The following ZNF224 variants were observed in gnomAD, a reference collection of about 807,000 sequenced individuals.
ZNF224 encodes the protein zinc finger protein 224, also known as bone marrow zinc finger 2.
A neutral mutation model predicts 10.5 loss-of-function variants in ZNF224; 8 were observed. The ratio of observed to expected loss-of-function variants is 0.76; its 90% confidence interval spans 0.45 to 1.37. The LOEUF is 1.37. Ranked by LOEUF, ZNF224 falls within the 40% of genes most tolerant of loss-of-function variation. The probability of loss-of-function intolerance (pLI) is 0.00; values close to 1 mark genes in which losing one functional copy is unlikely to be tolerated. For synonymous variants in ZNF224, 282 were observed against 287.8 expected, an observed-to-expected ratio of 0.98 and a Z score of 0.20; for missense variants, 754 against 854.0, an observed-to-expected ratio of 0.88 and a Z score of 1.46.
Position 44,107,147 on chromosome 19 carries a change from A to T in ZNF224, c.987A>T (p.Ser329=). 1 of 1,606,896 alleles carries T rather than the reference A, an allele frequency of 6.2e-7. No homozygotes were observed. The highest frequency in any genetic ancestry group is 8.5e-7 in the Non-Finnish European group (1 of 1,176,102). ...DTCDKSFRQR[S]ALNSHRMIHT... is the part of the protein sequence containing the mutation. Reference sequence around the variant, plus strand: ...GTGATAAGAGCTTTCGTCAGAGATCAGCACTTAATAGTCATCGCATGATCC... The same window carrying T: ...GTGATAAGAGCTTTCGTCAGAGATCTGCACTTAATAGTCATCGCATGATCC... Residue 329 remains serine (S), a synonymous_variant, in exon 6 of 6, where the codon TCA becomes TCT. Transcript: ENST00000693561.
At chr19:44,097,990 A>C in intron 3 of ZNF224, 102 bp downstream of exon 3, 1 of 1,321,344 alleles carries the variant, frequency 7.6e-7, no homozygotes, top group East Asian at 2.4e-5. Flanking sequence ...AAAAACAGAC[A>C]TTTGAGGATC....
intron 5 of ZNF224, among the ~76,000 whole-genome samples, chr19:44,103,899 C>T (rs61044049): frequency 0.037 from 5,581 of 152,254 alleles, 128 homozygotes; most frequent in South Asian, 0.063. Flanking sequence ...CCATGTTAAT[C>T]AGGCTGGTCA....
At chr19:44,098,660 T>A (rs1232038622) in intron 3 of ZNF224, among the ~76,000 whole-genome samples, 1 of 152,150 alleles carries the variant, frequency 6.6e-6, no homozygotes, top group Non-Finnish European at 1.5e-5. Context: ...CTCGGCTCAC[T>A]GCAGCCTCTG....
At chr19:44,105,140 T>C (rs4803680) in intron 5 of ZNF224, among the ~76,000 whole-genome samples, 128,970 of 152,130 alleles carry the variant, frequency 0.85, 54,941 homozygotes, top group Non-Finnish European at 0.88. Flanking sequence ...CGTGGCCAGC[T>C]ACAACCCTAA....
chr19:44,104,258 T>A (rs1967602264), intron 5 of ZNF224, among the ~76,000 whole-genome samples: 2 of 152,214 alleles, frequency 1.3e-5, no homozygotes, highest in South Asian at 4.1e-4. Flanking sequence ...TGCCAAATTC[T>A]TGTGTAGGAA....
chr19:44,105,502 A>C (rs1967637362), intron 5 of ZNF224: 1 of 149,396 alleles, frequency 6.7e-6, no homozygotes, highest in Non-Finnish European at 1.5e-5. Flanking sequence ...ATTGTCTTTT[A>C]TTTTTATTAA....
In ZNF224 at chr19:44,108,291, G is replaced by A. The variant is rs760726339; in HGVS notation, c.*7G>A. On this transcript the variant is annotated 3_prime_UTR_variant, in exon 6 of 6. Coordinates refer to ENST00000693561, the MANE Select transcript of ZNF224 (RefSeq NM_001321645.3). ...TGTTGGAGAAAAACCTTAGTGATGTGATGGTGCAATAAAGTCTTCACTCAG... is the reference window on the plus strand; with the variant it reads ...TGTTGGAGAAAAACCTTAGTGATGTAATGGTGCAATAAAGTCTTCACTCAG... The A allele has an allele frequency of 6.3e-7, 1 of 1,599,586 alleles. No individual in the cohort carries two copies.
chr19:44,105,612 A>G (rs772564020), intron 5 of ZNF224: 1 of 152,186 alleles, frequency 6.6e-6, no homozygotes, highest in Non-Finnish European at 1.5e-5. Context: ...TAGTGTACCC[A>G]TCACCTGAGT....
In ZNF224 at chr19:44,106,815, C is replaced by T; in HGVS notation, c.655C>T (p.Leu219=). 6.2e-7 allele frequency: 1 copy of T among 1,613,878 alleles called. No homozygotes were observed. The highest frequency in any genetic ancestry group is 1.3e-5 in the African/African-American group (1 of 75,058). ...TAAGGAATTCAGTCAGAGTTCACATCTGCAAACTCATCAGAGAGTCCACAC... is the reference window on the plus strand; with the variant it reads ...TAAGGAATTCAGTCAGAGTTCACATTTGCAAACTCATCAGAGAGTCCACAC... The part of the protein sequence containing the change: ...CGKEFSQSSH[L]QTHQRVHTGE... The change falls in exon 6 of 6, where the codon CTG becomes TTG. Residue 219 remains leucine (L), a synonymous_variant. Transcript: ENST00000693561.
Position 44,109,275 on chromosome 19 carries a change from A to G in ZNF224, c.*991A>G, listed in dbSNP as rs1446937304. Reference sequence around the variant, plus strand: ...AGATTGATCATGATTTGTGATTTCTATGCAGGCCTTGGTATGATTGCCTTT... The same window carrying G: ...AGATTGATCATGATTTGTGATTTCTGTGCAGGCCTTGGTATGATTGCCTTT... On this transcript the variant is annotated 3_prime_UTR_variant, in exon 6 of 6. Coordinates refer to ENST00000693561, the MANE Select transcript of ZNF224 (RefSeq NM_001321645.3). 1 of 152,084 alleles carries G rather than the reference A, an allele frequency of 6.6e-6. No homozygotes were observed. The highest frequency in any genetic ancestry group is 1.5e-5 in the Non-Finnish European group (1 of 68,024). 9.4% of individuals were successfully genotyped at this position (152,084 alleles called of 1,614,324 possible).
chr19:44,107,131 G>A lies in ZNF224; in HGVS notation c.971G>A (p.Ser324Asn). ...KPFRCDTCDK[S>N]FRQRSALNSH... ...TTCCGATGTGATACGTGTGATAAGA[G>A]CTTTCGTCAGAGATCAGCACTTAAT... Residue 324 changes from serine (S) to asparagine (N), a missense_variant, in exon 6 of 6, where the codon AGC becomes AAC. Transcript: ENST00000693561. The A allele has an allele frequency of 6.2e-7, 1 of 1,606,268 alleles. No homozygotes were observed. The highest frequency in any genetic ancestry group is 2.2e-5 in the East Asian group (1 of 44,858).
intron 5 of ZNF224, among the ~76,000 whole-genome samples, chr19:44,102,015 G>A (rs1369295641): frequency 6.6e-6 from 1 of 152,146 alleles, no homozygotes; most frequent in Non-Finnish European, 1.5e-5. Flanking sequence ...CTGGTTAACT[G>A]ACTAGCAACC....
chr19:44,106,303 C>A, intron 5 of ZNF224, 93 bp from the exon 6 acceptor site: 3 of 1,342,078 alleles, frequency 2.2e-6, no homozygotes, highest in South Asian at 1.3e-5. Context: ...TGTCTATACT[C>A]ATGAGAGTTT....
chr19:44,097,432 G>A (rs1967460738), intron 2 of ZNF224, among the ~76,000 whole-genome samples: 1 of 152,160 alleles, frequency 6.6e-6, no homozygotes, highest in Admixed American at 6.5e-5. Flanking sequence ...CAGATCTGAA[G>A]CAATCACTAA....
rs746756171 is a variant in ZNF224, at chr19:44,106,961, G to A, written c.801G>A (p.Lys267=). The A allele has an allele frequency of 1.2e-6, 2 of 1,610,488 alleles. No homozygotes were observed. Among genetic ancestry groups the A allele is most frequent in the Non-Finnish European group, 8.5e-7 (1 of 1,177,936 alleles). Residue 267 remains lysine (K), a synonymous_variant, in exon 6 of 6, where the codon AAG becomes AAA. Coordinates refer to ENST00000693561, the MANE Select transcript of ZNF224 (RefSeq NM_001321645.3). The part of the protein sequence containing the change: ...EKPYNCEECG[K]AFIHDSQLQE... ...CTTATAATTGTGAGGAATGCGGGAA[G>A]GCCTTCATTCACGATTCCCAGCTTC...
rs200490430 is a variant in ZNF224 at position 44,108,242 on chromosome 19, C to G, written c.2082C>G (p.Ser694Arg). 5.6e-6 allele frequency: 9 copies of G among 1,612,808 alleles called. No homozygotes were observed. In the Admixed American group the frequency reaches 8.4e-5, roughly 15 times the overall value. The change falls in exon 6 of 6, where the codon AGC (serine) becomes AGG (arginine). Residue 694 changes from serine (S) to arginine (R), a missense_variant. Transcript: ENST00000693561. ...ECDMCFSQAS[S>R]LRLHQNVHVG... ...ATATGTGCTTTAGTCAGGCCTCAAG[C>G]CTTCGACTTCATCAGAATGTTCATG...
Position 44,107,013 on chromosome 19 carries a change from G to A in ZNF224, c.853G>A (p.Glu285Lys), listed in dbSNP as rs765403502. ...AGAACATCAGAGAATCCATACGGGG[G>A]AGAAGCCATTCAAATGTGATATATG... Reference protein sequence around the residue: ...LQEHQRIHTGEKPFKCDICGK... With the variant: ...LQEHQRIHTGKKPFKCDICGK... Residue 285 changes from glutamate to lysine, a missense_variant, in exon 6 of 6, where the codon GAG becomes AAG. Glu to Lys is a moderately conservative substitution (Grantham distance 56). Coordinates refer to ENST00000693561, the MANE Select transcript of ZNF224 (RefSeq NM_001321645.3). 1.4e-5 allele frequency: 23 copies of A among 1,608,562 alleles called. No homozygotes were observed. The highest frequency in any genetic ancestry group is 2.0e-5 in the Non-Finnish European group (23 of 1,176,888).
chr19:44,100,004 C>T (rs1967515641), intron 3 of ZNF224, among the ~76,000 whole-genome samples: 2 of 152,032 alleles, frequency 1.3e-5, no homozygotes, highest in African/African-American at 2.4e-5. Flanking sequence ...AGATTAGTTC[C>T]ATGGAACACT....
Position 44,107,683 on chromosome 19 carries a change from G to T in ZNF224, c.1523G>T (p.Gly508Val), listed in dbSNP as rs1311701302. The change falls in exon 6 of 6, where the codon GGA becomes GTA. Residue 508 changes from glycine (G) to valine (V), a missense_variant. Transcript: ENST00000693561. ...HLHSHQRVHT[G>V]EKPYKCEKCG... ...CATTCCCATCAGAGAGTTCACACTG[G>T]AGAAAAGCCATACAAATGTGAGAAG... 1 of 1,614,068 alleles carries T rather than the reference G, an allele frequency of 6.2e-7. No homozygotes were observed. The highest frequency in any genetic ancestry group is 1.1e-5 in the South Asian group (1 of 91,076).
Sources: gnomAD v4.1 joint callset for allele counts (sites outside exome capture counted in the v4.1 genomes callset) on GRCh38, gnomAD v4.1.1 for gene constraint, MANE v1.5 for transcripts, NCBI Gene and HGNC (gene_info 2026-07-23, HGNC 2026-07-21) for gene names.